The following DISP1 variants were observed in gnomAD, a reference collection of about 807,000 sequenced individuals.
The protein encoded by DISP1 is dispatched RND transporter family member 1, also known as protein dispatched homolog 1.
DISP1 carries 30 observed loss-of-function variants against 37.3 expected under a neutral mutation model. That is an observed-to-expected ratio of 0.80 (90% CI 0.60 to 1.09). The LOEUF is 1.09. Ranked by LOEUF, DISP1 falls within the 50% of genes least tolerant of loss-of-function variation. The probability of loss-of-function intolerance (pLI) is 0.00; values close to 1 mark genes in which losing one functional copy is unlikely to be tolerated. For synonymous variants in DISP1, 634 were observed against 690.2 expected, an observed-to-expected ratio of 0.92 and a Z score of 1.28; for missense variants, 1,598 against 1,879.5, an observed-to-expected ratio of 0.85 and a Z score of 2.77.
Position 222,848,527 on chromosome 1 carries a change from G to T in DISP1, c.-159+33449G>T, listed in dbSNP as rs144774960. Among the ~76,000 whole-genome samples, 228 of 152,160 alleles carry T rather than the reference G, an allele frequency of 1.5e-3. 10 individuals are homozygous for T. In the East Asian group the frequency reaches 0.04, roughly 26 times the overall value. ...CAAAAGTTCATATTCTTTATATACA[G>T]ATAAATTATGTGTAAAAATGTGTCC... On this transcript the variant is annotated intron_variant, in intron 1 of 8. Transcript: ENST00000675850.
chr1:222,902,615 A>G (rs1054465471), intron 1 of DISP1, among the ~76,000 whole-genome samples: 2 of 152,202 alleles, frequency 1.3e-5, no homozygotes, highest in Non-Finnish European at 2.9e-5. Context: ...CAAGAAAAAA[A>G]CAACCCCATA....
At chr1:222,860,033 A>C (rs1299942399) in intron 1 of DISP1, among the ~76,000 whole-genome samples, 3 of 152,304 alleles carry the variant, frequency 2.0e-5, no homozygotes, top group Middle Eastern at 3.4e-3. Flanking sequence ...TCAATAAAGG[A>C]AATTCATTTC....
intron 1 of DISP1, among the ~76,000 whole-genome samples, chr1:222,887,971 G>C (rs1670726972): frequency 6.6e-6 from 1 of 152,154 alleles, no homozygotes; most frequent in African/African-American, 2.4e-5. Context: ...TTAAATCTGG[G>C]TTCAGGTTGG....
intron 3 of DISP1, among the ~76,000 whole-genome samples, chr1:222,967,637 TAA>T (rs910604456): frequency 5.3e-5 from 8 of 152,150 alleles, no homozygotes; most frequent in African/African-American, 1.9e-4. Context: ...TCTACATATA[TAA>T]GACTTTTTCC....
At chr1:222,824,542 T>C (rs565125837) in intron 1 of DISP1, among the ~76,000 whole-genome samples, 1 of 152,334 alleles carries the variant, frequency 6.6e-6, no homozygotes, top group East Asian at 1.9e-4. Flanking sequence ...CTACATTTTT[T>C]TGTATATCTT....
At chr1:222,984,605 T>C (rs902919072) in intron 4 of DISP1, among the ~76,000 whole-genome samples, 1 of 151,644 alleles carries the variant, frequency 6.6e-6, no homozygotes, top group Non-Finnish European at 1.5e-5. Flanking sequence ...ATATATGTTG[T>C]ATATATAACA....
chr1:222,848,214 T>G (rs1668028622), intron 1 of DISP1, among the ~76,000 whole-genome samples: 1 of 152,176 alleles, frequency 6.6e-6, no homozygotes, highest in Admixed American at 6.5e-5. Context: ...ATCTGTTTGT[T>G]TTTTAAATTG....
rs1674518129 is a variant in DISP1 at position 222,943,272 on chromosome 1, A to G, written c.449A>G (p.His150Arg). The G allele has an allele frequency of 6.2e-7, 1 of 1,614,112 alleles. No individual in the cohort carries two copies. The highest frequency in any genetic ancestry group is 8.5e-7 in the Non-Finnish European group (1 of 1,179,982). The change falls in exon 3 of 9, where the codon CAT becomes CGT. Residue 150 changes from histidine (H) to arginine (R), a missense_variant. By Grantham distance (29) the His-to-Arg change is conservative (BLOSUM62 0). Transcript: ENST00000675850. ...CLQPSPSFCLHHPWPDHFQHQ... is the reference protein window; with the variant it reads ...CLQPSPSFCLRHPWPDHFQHQ... ...CAGCCCTCTCCATCCTTCTGCCTGC[A>G]TCATCCGTGGCCTGACCATTTTCAG... is the stretch of plus-strand genomic sequence containing the variant.
intron 1 of DISP1, among the ~76,000 whole-genome samples, chr1:222,828,743 A>G (rs924424963): frequency 6.6e-6 from 1 of 152,156 alleles, no homozygotes; most frequent in Non-Finnish European, 1.5e-5. Context: ...TCGCTTTAGC[A>G]CTAACTCACC....
chr1:222,949,269 C>T (rs1041549525), intron 3 of DISP1, among the ~76,000 whole-genome samples: 2 of 151,934 alleles, frequency 1.3e-5, no homozygotes, highest in African/African-American at 4.8e-5. Context: ...TGGTGCGCAC[C>T]TGTAGTCCCA....
chr1:222,872,624 C>T (rs535097314), intron 1 of DISP1, among the ~76,000 whole-genome samples: 4 of 152,088 alleles, frequency 2.6e-5, no homozygotes, highest in Admixed American at 1.3e-4. Flanking sequence ...GATGATATCC[C>T]CTTTGTCATT....
chr1:222,979,828 T>C (rs553333547), intron 3 of DISP1: 4 of 260,578 alleles, frequency 1.5e-5, no homozygotes. Context: ...ACACTTCTGC[T>C]CCCAGCATTT....
chr1:222,850,561 A>G (rs1240915168), intron 1 of DISP1, among the ~76,000 whole-genome samples: 1 of 151,986 alleles, frequency 6.6e-6, no homozygotes, highest in Non-Finnish European at 1.5e-5. Context: ...CTGGTACCCA[A>G]TAGTGATCTT....
chr1:222,833,965 A>G (rs919866691), intron 1 of DISP1, among the ~76,000 whole-genome samples: 1 of 152,324 alleles, frequency 6.6e-6, no homozygotes, highest in Admixed American at 6.5e-5. Context: ...CTAAAGAGCT[A>G]TTTAAATGTC....
At chr1:222,960,043 AC>A (rs770281177) in intron 3 of DISP1, among the ~76,000 whole-genome samples, 23 of 152,112 alleles carry the variant, frequency 1.5e-4, no homozygotes, top group Non-Finnish European at 2.9e-4. Context: ...GGACTTTAAC[AC>A]CCCACTATCA....
chr1:222,915,306 G>T (rs958307230), intron 1 of DISP1, among the ~76,000 whole-genome samples: 1 of 152,222 alleles, frequency 6.6e-6, no homozygotes, highest in African/African-American at 2.4e-5. Flanking sequence ...GCTTGATGCT[G>T]GATTTGACTA....
At chr1:222,951,480 T>C (rs1347376893) in intron 3 of DISP1, among the ~76,000 whole-genome samples, 3 of 58,020 alleles carry the variant, frequency 5.2e-5, no homozygotes, top group African/African-American at 2.4e-4. Flanking sequence ...CTTTCCCCTC[T>C]CCTTAGCCCT....
chr1:222,834,371 A>G (rs1046874814), intron 1 of DISP1, among the ~76,000 whole-genome samples: 8 of 152,174 alleles, frequency 5.3e-5, no homozygotes, highest in African/African-American at 1.9e-4. Flanking sequence ...TATTTCTGCC[A>G]CAAATAAAGA....
chr1:222,847,097 C>T (rs1172839024), intron 1 of DISP1, among the ~76,000 whole-genome samples: 1 of 152,144 alleles, frequency 6.6e-6, no homozygotes, highest in Non-Finnish European at 1.5e-5. Context: ...ATGCAGACAT[C>T]TCATATCATT....
Sources: gnomAD v4.1 joint callset for allele counts (sites outside exome capture counted in the v4.1 genomes callset) on GRCh38, gnomAD v4.1.1 for gene constraint, MANE v1.5 for transcripts, NCBI Gene and HGNC (gene_info 2026-07-23, HGNC 2026-07-21) for gene names.